The following ARPP21 variants were observed in gnomAD, a reference collection of about 807,000 sequenced individuals.
ARPP21 encodes cAMP regulated phosphoprotein 21.
A neutral mutation model predicts 113.2 loss-of-function variants in ARPP21; 69 were observed. The observed-to-expected ratio is 0.61, with a 90% CI of 0.50 to 0.74. The LOEUF (loss-of-function observed/expected upper bound fraction) is 0.74, where lower values mean the gene tolerates loss of function less well. ARPP21 is among the 30% of genes least tolerant of loss of function. The pLI, the probability that ARPP21 is intolerant of heterozygous loss-of-function variation, is 0.00. For missense variants in ARPP21, 1,070 were observed against 1,037.4 expected (o/e 1.03, Z -0.43); for synonymous variants, 368 against 375.5 (o/e 0.98, Z 0.23).
chr3:35,751,017 CA>C (rs1299331090), intron 19 of ARPP21, among the ~76,000 whole-genome samples: 2 of 152,078 alleles, frequency 1.3e-5, no homozygotes, highest in African/African-American at 4.8e-5. Flanking sequence ...TGACCGTTTA[CA>C]AAGGACAGTT....
intron 19 of ARPP21, among the ~76,000 whole-genome samples, chr3:35,766,232 C>A (rs1351199387): frequency 6.6e-6 from 1 of 152,134 alleles, no homozygotes; most frequent in Non-Finnish European, 1.5e-5. Flanking sequence ...TGGTTAAATA[C>A]AGCCACATGG....
intron 15 of ARPP21, among the ~76,000 whole-genome samples, chr3:35,733,018 G>T (rs1245919971): frequency 6.6e-6 from 1 of 152,062 alleles, no homozygotes; most frequent in African/African-American, 2.4e-5. Flanking sequence ...ACTAGGAAAA[G>T]AAAATCTCTT....
intron 9 of ARPP21, among the ~76,000 whole-genome samples, chr3:35,703,253 G>T (rs1047262945): frequency 1.3e-5 from 2 of 151,820 alleles, no homozygotes; most frequent in Non-Finnish European, 2.9e-5. Context: ...ATAATAATGA[G>T]TGCTCATCTA....
intron 13 of ARPP21, among the ~76,000 whole-genome samples, chr3:35,717,793 T>A (rs538344248): frequency 2.0e-5 from 3 of 152,256 alleles, no homozygotes; most frequent in African/African-American, 7.2e-5. Context: ...TTTTCAAGGG[T>A]GAATTTTATT....
intron 19 of ARPP21, among the ~76,000 whole-genome samples, chr3:35,771,844 A>G (rs2096214643): frequency 2.0e-5 from 3 of 152,212 alleles, no homozygotes; most frequent in Non-Finnish European, 4.4e-5. Flanking sequence ...GCATAATCAT[A>G]TAAATTAAAG....
chr3:35,705,637 G>A (rs2088615129), intron 9 of ARPP21, among the ~76,000 whole-genome samples: 1 of 152,114 alleles, frequency 6.6e-6, no homozygotes, highest in African/African-American at 2.4e-5. Flanking sequence ...GTGGCTTACT[G>A]GGCAAATTCA....
At chr3:35,670,016 A>G (rs984027631) in intron 1 of ARPP21, among the ~76,000 whole-genome samples, 53 of 152,230 alleles carry the variant, frequency 3.5e-4, no homozygotes, top group African/African-American at 1.3e-3. Flanking sequence ...CCTCCAAAAT[A>G]TCAATAGTTT....
chr3:35,709,861 C>T (rs1390826383), intron 11 of ARPP21, among the ~76,000 whole-genome samples: 3 of 152,272 alleles, frequency 2.0e-5, no homozygotes, highest in African/African-American at 7.2e-5. Context: ...GACTCCGTGG[C>T]CAACATGGCA....
intron 2 of ARPP21, among the ~76,000 whole-genome samples, chr3:35,680,505 G>C (rs1050584135): frequency 3.3e-5 from 5 of 151,658 alleles, no homozygotes; most frequent in Admixed American, 6.6e-5. Context: ...AAATTTCTGT[G>C]GTTTGTATTT....
chr3:35,669,021 T>G (rs562982533), intron 1 of ARPP21, among the ~76,000 whole-genome samples: 41 of 152,262 alleles, frequency 2.7e-4, no homozygotes, highest in African/African-American at 9.4e-4. Context: ...TTCACAGTTT[T>G]ACATTTATTT....
chr3:35,723,964 G>A (rs1411880914), intron 14 of ARPP21, among the ~76,000 whole-genome samples: 1 of 152,152 alleles, frequency 6.6e-6, no homozygotes, highest in African/African-American at 2.4e-5. Context: ...CTGTCATGGA[G>A]CTTCAGAACA....
At chr3:35,710,542 AACACACACACACACACACACACAC>A (rs3086903) in intron 11 of ARPP21, among the ~76,000 whole-genome samples, 1 of 132,862 alleles carries the variant, frequency 7.5e-6, no homozygotes. Context: ...CTCTCTCTCA[AACACACACACACACACACACACAC>A]ACACACACAC....
chr3:35,696,144 AG>A (rs1479081451), intron 9 of ARPP21, among the ~76,000 whole-genome samples: 1 of 151,632 alleles, frequency 6.6e-6, no homozygotes, highest in Non-Finnish European at 1.5e-5. Flanking sequence ...TACTTTAGAA[AG>A]GTTAGTCTGG....
At chr3:35,665,679 G>A (rs1228565910) in intron 1 of ARPP21, among the ~76,000 whole-genome samples, 2 of 152,110 alleles carry the variant, frequency 1.3e-5, no homozygotes, top group African/African-American at 4.8e-5. Context: ...TATTGCATTT[G>A]TTCATGAAAC....
chr3:35,722,274 C>T (rs1169205661), intron 14 of ARPP21, among the ~76,000 whole-genome samples: 1 of 152,088 alleles, frequency 6.6e-6, no homozygotes, highest in East Asian at 1.9e-4. Flanking sequence ...TGAATTATTC[C>T]TTAAAAACAC....
In ARPP21 at chr3:35,792,362, A is replaced by G. The variant is rs770360844; in HGVS notation, c.2138-20A>G. 6.2e-7 allele frequency: 1 copy of G among 1,613,248 alleles called. No individual in the cohort carries two copies. Among genetic ancestry groups the G allele is most frequent in the Non-Finnish European group, 8.5e-7 (1 of 1,179,382 alleles). On this transcript the variant is annotated intron_variant, in intron 19 of 20. Coordinates refer to ENST00000684406, the MANE Select transcript of ARPP21 (RefSeq NM_001385562.1). ...TGTTCTTTCTGCACAACCAGTTCAA[A>G]AGATCTCTTTTCTTCGCAGGTTACC...
At chr3:35,748,090 G>T (rs1282915330) in intron 19 of ARPP21, among the ~76,000 whole-genome samples, 1 of 120,322 alleles carries the variant, frequency 8.3e-6, no homozygotes, top group Non-Finnish European at 1.8e-5. Flanking sequence ...AAGAAAGAAA[G>T]AAAGAAAGAA....
intron 1 of ARPP21, among the ~76,000 whole-genome samples, chr3:35,651,224 A>T (rs1465412615): frequency 6.6e-6 from 1 of 152,080 alleles, no homozygotes; most frequent in African/African-American, 2.4e-5. Flanking sequence ...CATTGGCAGC[A>T]AAAACAATTT....
chr3:35,784,240 T>G (rs1260973053), intron 19 of ARPP21, among the ~76,000 whole-genome samples: 2 of 152,232 alleles, frequency 1.3e-5, no homozygotes, highest in African/African-American at 4.8e-5. Context: ...AAAATATGAT[T>G]GCTTGACATT....
Sources: gnomAD v4.1 joint callset for allele counts (sites outside exome capture counted in the v4.1 genomes callset) on GRCh38, gnomAD v4.1.1 for gene constraint, MANE v1.5 for transcripts, NCBI Gene and HGNC (gene_info 2026-07-23, HGNC 2026-07-21) for gene names.